Variants in BEND2 observed in about 807,000 individuals in gnomAD.
The protein encoded by BEND2 is BEN domain containing 2.
Under a neutral mutation model 43.8 loss-of-function variants are expected in BEND2, and 19 were observed. The observed-to-expected ratio is 0.43, with a 90% CI of 0.30 to 0.64. BEND2 has a LOEUF of 0.64. BEND2 is among the 30% of genes least tolerant of loss of function. The pLI, the probability that BEND2 is intolerant of heterozygous loss-of-function variation, is 0.11. For synonymous variants in BEND2, 226 were observed against 210.1 expected (o/e 1.08, Z -0.66); for missense variants, 544 against 574.0 (o/e 0.95, Z 0.53).
rs764383363 is a variant in BEND2, at chrX:18,186,967, G to GA, written c.1288+4033dup. ...GGGCAACAGAGCAAGACCCTGTCTG[G>GA]AAAAAAAAAAAAAAAGATACGATGG... is the stretch of plus-strand genomic sequence containing the variant. On this transcript the variant is annotated intron_variant, in intron 8 of 13. Coordinates refer to ENST00000380033, the MANE Select transcript of BEND2 (RefSeq NM_153346.5). 9.7e-3 allele frequency among the ~76,000 whole-genome samples: 810 copies of GA among 83,228 alleles called. 2 individuals are homozygous for GA. Among genetic ancestry groups the GA allele is most frequent in the Middle Eastern group, 0.025 (4 of 160 alleles). The allele number at this position is 83,228 out of a possible 115,157, so 72.3% of individuals were successfully genotyped here.
At chrX:18,204,080 A>G (rs1015159490) in intron 4 of BEND2, among the ~76,000 whole-genome samples, 165 bp from the exon 5 acceptor site, 1 of 112,548 alleles carries the variant, frequency 8.9e-6, no homozygotes, top group East Asian at 2.8e-4. Context: ...TGAGGCTTAA[A>G]AAGTTTATTT....
chrX:18,182,074 G>C (rs1316043128), intron 8 of BEND2, among the ~76,000 whole-genome samples: 2 of 111,808 alleles, frequency 1.8e-5, no homozygotes, highest in East Asian at 2.8e-4. Context: ...TAGATTAAAA[G>C]TAAAAGAATG....
rs748600046 is a variant in BEND2 at position 18,203,700 on chromosome X, A to G, written c.708T>C (p.Phe236=). The G allele has an allele frequency of 1.7e-6, 2 of 1,211,429 alleles. No individual in the cohort carries two copies. Among genetic ancestry groups the G allele is most frequent in the South Asian group, 3.5e-5 (2 of 57,017 alleles). Residue 236 remains phenylalanine (F), a synonymous_variant, in exon 5 of 14, where the codon TTT becomes TTC. Transcript: ENST00000380033. ...TGGTACTTTCAGCACCTCCACTGAT[A>G]AAGTTCCATGGCATACCGAAACAAG... ...SFPCFGMPWN[F]ISGGAESTNA... is the part of the protein sequence containing the mutation.
At chrX:18,170,980 C>G in intron 13 of BEND2, 21 bp downstream of exon 13, 1 of 1,208,592 alleles carries the variant, frequency 8.3e-7, no homozygotes, top group Non-Finnish European at 1.1e-6. Context: ...TTTATTCAGA[C>G]ATACTCTATG....
At chrX:18,215,446 G>A (rs1386283080) in intron 2 of BEND2, among the ~76,000 whole-genome samples, 4 of 112,234 alleles carry the variant, frequency 3.6e-5, no homozygotes, top group African/African-American at 1.3e-4. Context: ...TCAGATCAGG[G>A]ATCAGCAAAC....
At chrX:18,172,104 T>C (rs1923994641) in intron 12 of BEND2, among the ~76,000 whole-genome samples, 1 of 110,949 alleles carries the variant, frequency 9.0e-6, no homozygotes, top group Non-Finnish European at 1.9e-5. Context: ...ATATTTTACA[T>C]ATAATAATTA....
In BEND2 at chrX:18,182,479, C is replaced by CA. The variant is rs1004196767; in HGVS notation, c.1289-1830dup. Among the ~76,000 whole-genome samples, 13 of 109,405 alleles carry CA rather than the reference C, an allele frequency of 1.2e-4. No homozygotes were observed. In the East Asian group the frequency reaches 3.7e-3, roughly 31 times the overall value. Reference sequence around the variant, plus strand: ...CTAATGCACCATGCAAATATTAATCCAAAAAAAAGAAAGCAGAGTGGCTAT... The same window carrying CA: ...CTAATGCACCATGCAAATATTAATCCAAAAAAAAAGAAAGCAGAGTGGCTAT... On this transcript the variant is annotated intron_variant, in intron 8 of 13. Transcript: ENST00000380033.
chrX:18,186,492 A>C (rs1041046154), intron 8 of BEND2, among the ~76,000 whole-genome samples: 10 of 110,297 alleles, frequency 9.1e-5, no homozygotes, highest in Non-Finnish European at 1.7e-4. Flanking sequence ...TAGTACAATA[A>C]GACATAAAGA....
chrX:18,192,275 A>G (rs1156863441), intron 7 of BEND2, among the ~76,000 whole-genome samples: 3 of 112,166 alleles, frequency 2.7e-5, no homozygotes, highest in African/African-American at 9.7e-5. Context: ...ATCAGGCAAA[A>G]GTATCCTTCA....
intron 3 of BEND2, 105 bp downstream of exon 3, chrX:18,213,669 T>G (rs924556130): frequency 1.7e-5 from 2 of 116,210 alleles, no homozygotes; most frequent in African/African-American, 6.5e-5. Flanking sequence ...CTCAACATTT[T>G]AGGAGGCTGA....
intron 9 of BEND2, among the ~76,000 whole-genome samples, chrX:18,179,297 G>A (rs951800147): frequency 2.8e-5 from 3 of 106,061 alleles, no homozygotes; most frequent in Non-Finnish European, 3.9e-5. Context: ...AAGTAGCTGG[G>A]ATTACAGGCA....
intron 4 of BEND2, among the ~76,000 whole-genome samples, chrX:18,207,943 C>T (rs1007030496): frequency 9.2e-6 from 1 of 108,547 alleles, no homozygotes; most frequent in Non-Finnish European, 1.9e-5. Context: ...CGCTTAAGCC[C>T]GGGAGGCAGA....
chrX:18,219,727 G>A (rs1027346293), intron 1 of BEND2, among the ~76,000 whole-genome samples: 3 of 111,376 alleles, frequency 2.7e-5, no homozygotes, highest in East Asian at 2.8e-4. Flanking sequence ...GCAACATGAC[G>A]AAATCCCGTC....
intron 8 of BEND2, among the ~76,000 whole-genome samples, chrX:18,182,419 T>A (rs1924414632): frequency 9.0e-6 from 1 of 111,328 alleles, no homozygotes; most frequent in Admixed American, 9.6e-5. Flanking sequence ...AATTTCTCAG[T>A]CTCAGGTACT....
intron 12 of BEND2, among the ~76,000 whole-genome samples, chrX:18,171,886 T>C (rs748839229): frequency 1.8e-5 from 2 of 111,984 alleles, no homozygotes; most frequent in African/African-American, 3.2e-5. Flanking sequence ...GAAATACTTA[T>C]AATTTTTAAA....
chrX:18,209,900 A>G (rs1925453845), intron 4 of BEND2, among the ~76,000 whole-genome samples: 1 of 111,478 alleles, frequency 9.0e-6, no homozygotes, highest in African/African-American at 3.3e-5. Flanking sequence ...TGCTGTGATT[A>G]TTACAATTAC....
intron 4 of BEND2, among the ~76,000 whole-genome samples, chrX:18,210,928 C>A (rs377522230): frequency 7.8e-4 from 87 of 111,554 alleles, no homozygotes; most frequent in African/African-American, 2.8e-3. Context: ...AAAAATTAAT[C>A]GAATTAGCCC....
At chrX:18,189,622 A>G (rs1343038861) in intron 8 of BEND2, among the ~76,000 whole-genome samples, 1 of 112,117 alleles carries the variant, frequency 8.9e-6, no homozygotes, top group Non-Finnish European at 1.9e-5. Flanking sequence ...CAAAAATTGT[A>G]TGATCATTTC....
In BEND2 at chrX:18,175,801, A is replaced by G. The variant is rs756000609; in HGVS notation, c.1752+171T>C. 4.4e-5 allele frequency among the ~76,000 whole-genome samples: 5 copies of G among 112,433 alleles called. No homozygotes were observed. In the South Asian group the frequency reaches 1.8e-3, roughly 42 times the overall value. On this transcript the variant is annotated intron_variant, in intron 11 of 13. Transcript: ENST00000380033. Reference sequence around the variant, plus strand: ...ATTTTTATAGAGCATAAATATCAAAAAAGTAAAATAAACATGCAGTGTGCT... The same window carrying G: ...ATTTTTATAGAGCATAAATATCAAAGAAGTAAAATAAACATGCAGTGTGCT...
Sources: gnomAD v4.1 joint callset for allele counts (sites outside exome capture counted in the v4.1 genomes callset) on GRCh38, gnomAD v4.1.1 for gene constraint, MANE v1.5 for transcripts, NCBI Gene and HGNC (gene_info 2026-07-23, HGNC 2026-07-21) for gene names.